ANO4: variants seen among roughly 807,000 people sequenced by gnomAD.
ANO4 encodes the protein anoctamin-4.
In ANO4, 69 loss-of-function variants were observed where a neutral mutation model predicts 141.9. The observed-to-expected ratio is 0.49, with a 90% CI of 0.40 to 0.59. The LOEUF (loss-of-function observed/expected upper bound fraction) is 0.59, where lower values mean the gene tolerates loss of function less well. Ranked by LOEUF, ANO4 falls within the 20% of genes least tolerant of loss-of-function variation. The pLI is 0.00. For synonymous variants in ANO4, 350 were observed against 394.3 expected (o/e 0.89, Z 1.33); for missense variants, 894 against 1,162.2 (o/e 0.77, Z 3.36).
chr12:100,719,327 T>C (rs1304406693), intron 1 of ANO4, among the ~76,000 whole-genome samples: 1 of 152,194 alleles, frequency 6.6e-6, no homozygotes, highest in Non-Finnish European at 1.5e-5. Flanking sequence ...CAGAATAAAT[T>C]AGTCCATCAG....
intron 8 of ANO4, among the ~76,000 whole-genome samples, chr12:100,991,016 A>G (rs752220678): frequency 2.0e-5 from 3 of 152,172 alleles, no homozygotes; most frequent in Non-Finnish European, 4.4e-5. Context: ...ACCAAGGAAG[A>G]AAAAGCAGAG....
chr12:101,101,229 A>G (rs1458217065), intron 22 of ANO4, among the ~76,000 whole-genome samples: 1 of 152,198 alleles, frequency 6.6e-6, no homozygotes, highest in Non-Finnish European at 1.5e-5. Flanking sequence ...CCTGACTTCT[A>G]ACACCATAGA....
chr12:101,108,679 A>T (rs1208422065), intron 22 of ANO4, among the ~76,000 whole-genome samples: 1 of 152,210 alleles, frequency 6.6e-6, no homozygotes, highest in East Asian at 1.9e-4. Context: ...ATACATAGTC[A>T]TTCAAACAGC....
In ANO4 at chr12:100,795,723, A is replaced by G. The variant is rs368781701; in HGVS notation, c.-141+696A>G. On this transcript the variant is annotated intron_variant, in intron 1 of 27. Transcript: ENST00000392977. Reference sequence around the variant, plus strand: ...GAGTGGTAGGGCAGTGATGACAGGAACATTTTTGAGTTGACAACATAGTTT... The same window carrying G: ...GAGTGGTAGGGCAGTGATGACAGGAGCATTTTTGAGTTGACAACATAGTTT... Among the ~76,000 whole-genome samples, 265 of 152,292 alleles carry G rather than the reference A, an allele frequency of 1.7e-3. 1 individual carries two copies. Among genetic ancestry groups the G allele is most frequent in the Middle Eastern group, 3.4e-3 (1 of 294 alleles).
intron 1 of ANO4, among the ~76,000 whole-genome samples, chr12:100,898,799 G>T (rs2040458850): frequency 6.6e-6 from 1 of 152,130 alleles, no homozygotes; most frequent in African/African-American, 2.4e-5. Flanking sequence ...ATTTTTTCAG[G>T]AGAGCAGTCT....
chr12:100,812,363 A>G (rs1176166448), intron 1 of ANO4, among the ~76,000 whole-genome samples: 1 of 152,130 alleles, frequency 6.6e-6, no homozygotes, highest in African/African-American at 2.4e-5. Flanking sequence ...CATAACTCCA[A>G]GCTTTACAAA....
chr12:100,752,180 G>A (rs2032413911), intron 3 of ANO4, among the ~76,000 whole-genome samples: 1 of 151,994 alleles, frequency 6.6e-6, no homozygotes, highest in Admixed American at 6.6e-5. Flanking sequence ...TCTCTTAACT[G>A]TCTCCTTCTC....
intron 15 of ANO4, among the ~76,000 whole-genome samples, chr12:101,081,840 C>T (rs2136874636): frequency 6.6e-6 from 1 of 152,278 alleles, no homozygotes; most frequent in African/African-American, 2.4e-5. Context: ...TTCACATCGT[C>T]TTCCCCCTGG....
At chr12:101,112,955 C>T (rs539606939) in intron 24 of ANO4, among the ~76,000 whole-genome samples, 1 of 152,306 alleles carries the variant, frequency 6.6e-6, no homozygotes, top group South Asian at 2.1e-4. Context: ...TTGCAACTAT[C>T]GTTGACATTC....
At chr12:100,773,787 T>C (rs1432514701) in intron 3 of ANO4, among the ~76,000 whole-genome samples, 2 of 152,218 alleles carry the variant, frequency 1.3e-5, no homozygotes, top group Non-Finnish European at 2.9e-5. Flanking sequence ...TAATGAATGA[T>C]TACGTAGCAA....
intron 14 of ANO4, among the ~76,000 whole-genome samples, chr12:101,066,254 C>T (rs912203126): frequency 5.9e-5 from 9 of 152,130 alleles, no homozygotes; most frequent in Non-Finnish European, 4.4e-5. Context: ...ACTGGAAGTC[C>T]TAGCTAAAGC....
At chr12:100,767,979 A>G (rs1473531823) in intron 3 of ANO4, among the ~76,000 whole-genome samples, 1 of 151,780 alleles carries the variant, frequency 6.6e-6, no homozygotes, top group East Asian at 1.9e-4. Context: ...GATCTAGTGG[A>G]ACATGGGGCT....
At chr12:100,790,443 G>GT (rs1434496853), upstream of ANO4, among the ~76,000 whole-genome samples, 1 of 152,182 alleles carries the variant, frequency 6.6e-6, no homozygotes, top group African/African-American at 2.4e-5. Flanking sequence ...CCCTAATTCT[G>GT]TGTTGAGAAG....
intron 1 of ANO4, among the ~76,000 whole-genome samples, chr12:100,851,520 A>G (rs1229797127): frequency 6.6e-6 from 1 of 152,112 alleles, no homozygotes; most frequent in East Asian, 1.9e-4. Flanking sequence ...TTAAGAATTT[A>G]TTTATATGAA....
At chr12:101,062,458 T>G (rs2048390502) in intron 14 of ANO4, among the ~76,000 whole-genome samples, 1 of 152,190 alleles carries the variant, frequency 6.6e-6, no homozygotes, top group Non-Finnish European at 1.5e-5. Flanking sequence ...GGCAGGAACA[T>G]TTACGTCTGC....
rs201042768 is a variant in ANO4 at position 101,033,374 on chromosome 12, G to T, written c.842-3721G>T. Among the ~76,000 whole-genome samples the T allele has an allele frequency of 4.6e-5, 7 of 152,140 alleles. No individual in the cohort carries two copies. In the East Asian group the frequency reaches 1.4e-3, roughly 29 times the overall value. ...GGAGATACACCTAATGCTAGATGAC[G>T]AGCTAGTGGGTGCAGCACACCAGCA... is the stretch of plus-strand genomic sequence containing the variant. On this transcript the variant is annotated intron_variant, in intron 9 of 27. Coordinates refer to ENST00000392977, the MANE Select transcript of ANO4 (RefSeq NM_001286615.2).
At chr12:100,904,296 A>T (rs1218599289) in intron 2 of ANO4, among the ~76,000 whole-genome samples, 16 of 152,178 alleles carry the variant, frequency 1.1e-4, no homozygotes, top group East Asian at 1.9e-4. Flanking sequence ...AAGAGATAAT[A>T]AATAAATATA....
At chr12:101,019,223 T>C (rs2046425941) in intron 8 of ANO4, among the ~76,000 whole-genome samples, 1 of 152,176 alleles carries the variant, frequency 6.6e-6, no homozygotes, top group South Asian at 2.1e-4. Context: ...GAGTTACATA[T>C]ACAGTATCTC....
chr12:100,917,367 C>A (rs10507125), intron 2 of ANO4, among the ~76,000 whole-genome samples: 7,307 of 152,164 alleles, frequency 0.048, 260 homozygotes, highest in Admixed American at 0.1. Context: ...ACCATCTTGC[C>A]TAGTTTTTCA....
Sources: gnomAD v4.1 joint callset for allele counts (sites outside exome capture counted in the v4.1 genomes callset) on GRCh38, gnomAD v4.1.1 for gene constraint, MANE v1.5 for transcripts, NCBI Gene and HGNC (gene_info 2026-07-23, HGNC 2026-07-21) for gene names.